Variants in ZC3H12B observed in about 807,000 individuals in gnomAD.
ZC3H12B encodes zinc finger CCCH-type containing 12B.
In ZC3H12B, 7 loss-of-function variants were observed where a neutral mutation model predicts 43.9. That is an observed-to-expected ratio of 0.16 (90% CI 0.09 to 0.30). The LOEUF is 0.30. Ranked by LOEUF, ZC3H12B falls within the 10% of genes least tolerant of loss-of-function variation. The pLI is 1.00. For synonymous variants in ZC3H12B, 222 were observed against 241.7 expected, an observed-to-expected ratio of 0.92 and a Z score of 0.76; for missense variants, 475 against 670.2, an observed-to-expected ratio of 0.71 and a Z score of 3.22.
the ZC3H12B span, among the ~76,000 whole-genome samples, chrX:65,212,427 A>C: frequency 1.9e-5 from 1 of 51,877 alleles, no homozygotes; most frequent in Non-Finnish European, 2.7e-5. Context: ...ATGTAATATA[A>C]TTATTATATA....
At chrX:65,312,597 G>T in the ZC3H12B span, among the ~76,000 whole-genome samples, 2 of 111,537 alleles carry the variant, frequency 1.8e-5, no homozygotes, top group African/African-American at 6.5e-5. Context: ...GCTGCTATAA[G>T]AAAATACCAT....
At chrX:65,198,018 G>A in the ZC3H12B span, among the ~76,000 whole-genome samples, 2 of 111,860 alleles carry the variant, frequency 1.8e-5, no homozygotes, top group African/African-American at 6.5e-5. Context: ...ACACACATTC[G>A]ATCCCGCAGC....
At chrX:65,087,505 A>C in the ZC3H12B span, among the ~76,000 whole-genome samples, 1 of 111,991 alleles carries the variant, frequency 8.9e-6, no homozygotes, top group African/African-American at 3.2e-5. Flanking sequence ...TAAACTGAAT[A>C]AAGACATGAG....
chrX:65,347,787 G>A, the ZC3H12B span, among the ~76,000 whole-genome samples: 3 of 112,175 alleles, frequency 2.7e-5, no homozygotes, highest in South Asian at 7.4e-4. Flanking sequence ...ACATGCACAC[G>A]TATGTTTATT....
At chrX:65,297,074 C>A in the ZC3H12B span, among the ~76,000 whole-genome samples, 1 of 111,121 alleles carries the variant, frequency 9.0e-6, no homozygotes, top group Non-Finnish European at 1.9e-5. Flanking sequence ...AAGCATTCCA[C>A]CTGAGAACTG....
At chrX:65,413,349 AT>A (rs2066926172) in intron 3 of ZC3H12B, among the ~76,000 whole-genome samples, 1 of 111,408 alleles carries the variant, frequency 9.0e-6, no homozygotes, top group Non-Finnish European at 1.9e-5. Context: ...TTGGTTTCAT[AT>A]TTAAGAATCC....
the ZC3H12B span, among the ~76,000 whole-genome samples, chrX:65,337,202 T>C: frequency 9.0e-6 from 1 of 111,633 alleles, no homozygotes; most frequent in African/African-American, 3.3e-5. Context: ...AGCCAATTGG[T>C]GCTGCAGTCT....
At chrX:65,381,067 A>C (rs1349061044) in intron 2 of ZC3H12B, among the ~76,000 whole-genome samples, 1 of 111,281 alleles carries the variant, frequency 9.0e-6, no homozygotes, top group Non-Finnish European at 1.9e-5. Context: ...CAACAAAGAT[A>C]CCCAGGAATT....
chrX:65,328,176 A>G, the ZC3H12B span: 1 of 219,357 alleles, frequency 4.6e-6, no homozygotes, highest in Non-Finnish European at 9.3e-6. Flanking sequence ...CTCAGTAGAT[A>G]TGGCACTTTA....
chrX:65,467,343 A>G (rs2067838320), intron 3 of ZC3H12B, among the ~76,000 whole-genome samples: 1 of 109,316 alleles, frequency 9.1e-6, no homozygotes, highest in Non-Finnish European at 1.9e-5. Flanking sequence ...TTCTTTCTCC[A>G]CTCATTTGTT....
At chrX:65,086,657 T>C in the ZC3H12B span, among the ~76,000 whole-genome samples, 1 of 112,069 alleles carries the variant, frequency 8.9e-6, no homozygotes, top group African/African-American at 3.2e-5. Flanking sequence ...CTATATGAGT[T>C]ACTGAGAAAA....
At chrX:65,203,707 G>C in the ZC3H12B span, among the ~76,000 whole-genome samples, 4 of 111,380 alleles carry the variant, frequency 3.6e-5, no homozygotes, top group South Asian at 1.1e-3. Context: ...TGCGGGATTG[G>C]TGTGGCAAGC....
At chrX:65,159,362 A>G in the ZC3H12B span, among the ~76,000 whole-genome samples, 5 of 111,606 alleles carry the variant, frequency 4.5e-5, no homozygotes, top group Non-Finnish European at 9.4e-5. Context: ...CTTGGGCAGT[A>G]TGGCCGTTTT....
At chrX:65,132,405 G>A in the ZC3H12B span, among the ~76,000 whole-genome samples, 4 of 110,593 alleles carry the variant, frequency 3.6e-5, no homozygotes, top group Non-Finnish European at 5.7e-5. Context: ...CTGGCATTGA[G>A]CGGAGTAAGG....
chrX:65,318,546 A>T, the ZC3H12B span, among the ~76,000 whole-genome samples: 3 of 109,266 alleles, frequency 2.7e-5, no homozygotes, highest in Non-Finnish European at 5.7e-5. Context: ...CAGCCTCCCA[A>T]GTAGCTAGGA....
At chrX:65,177,441 G>C in the ZC3H12B span, among the ~76,000 whole-genome samples, 3 of 112,094 alleles carry the variant, frequency 2.7e-5, no homozygotes, top group South Asian at 7.4e-4. Context: ...AATCAGGCAA[G>C]TGAAAGAAAG....
At chrX:65,346,536 C>A in the ZC3H12B span, among the ~76,000 whole-genome samples, 3 of 111,805 alleles carry the variant, frequency 2.7e-5, no homozygotes, top group African/African-American at 6.5e-5. Flanking sequence ...AAAAAAACCC[C>A]AAAATTATCA....
the ZC3H12B span, among the ~76,000 whole-genome samples, chrX:65,219,186 C>T: frequency 2.7e-5 from 3 of 111,453 alleles, no homozygotes; most frequent in Non-Finnish European, 5.6e-5. Context: ...CACTTGAGCC[C>T]CAGATCTTCC....
At chrX:65,161,065 G>A in the ZC3H12B span, among the ~76,000 whole-genome samples, 4 of 111,003 alleles carry the variant, frequency 3.6e-5, no homozygotes, top group African/African-American at 1.3e-4. Flanking sequence ...ATGTAGTTGA[G>A]CAGTTTTTAG....
Sources: allele counts gnomAD v4.1 joint callset (sites outside exome capture counted in the v4.1 genomes callset), GRCh38; gene constraint gnomAD v4.1.1; transcripts MANE v1.5; gene names NCBI Gene and HGNC (gene_info 2026-07-23, HGNC 2026-07-21).